The following ST3GAL4 variants were observed in gnomAD, a reference collection of about 807,000 sequenced individuals.
ST3GAL4 encodes the protein CMP-N-acetylneuraminate-beta-galactosamide-alpha-2,3-sialyltransferase 4.
ST3GAL4 carries 24 observed loss-of-function variants against 42.6 expected under a neutral mutation model. The ratio of observed to expected loss-of-function variants is 0.56; its 90% CI spans 0.41 to 0.79. The LOEUF (loss-of-function observed/expected upper bound fraction) is 0.79, where lower values mean the gene tolerates loss of function less well. Ranked by LOEUF, ST3GAL4 falls within the 30% of genes least tolerant of loss-of-function variation. The pLI, the probability that ST3GAL4 is intolerant of heterozygous loss-of-function variation, is 0.00. For missense variants in ST3GAL4, 311 were observed against 430.8 expected, an observed-to-expected ratio of 0.72 and a Z score of 2.46; for synonymous variants, 135 against 163.2, an observed-to-expected ratio of 0.83 and a Z score of 1.32.
intron 1 of ST3GAL4, among the ~76,000 whole-genome samples, chr11:126,372,066 TCTGTTGAC>T (rs1468088969): frequency 2.0e-5 from 3 of 152,350 alleles, no homozygotes; most frequent in East Asian, 1.9e-4. Context: ...AGCACAAGGT[TCTGTTGAC>T]CTGTTGACCG....
In ST3GAL4 at chr11:126,378,383, CTGTA is replaced by C. The variant is rs1338224478; in HGVS notation, c.-61+22544_-61+22547del. Among the ~76,000 whole-genome samples the C allele has an allele frequency of 6.6e-6, 1 of 152,106 alleles. No homozygotes were observed. The highest frequency in any genetic ancestry group is 1.5e-5 in the Non-Finnish European group (1 of 68,026). Reference sequence around the variant, plus strand: ...CATTTCTATGAATTTGATAAAATGACTGTATGCCATCATCAATTAGGGATGATTG... The same window carrying C: ...CATTTCTATGAATTTGATAAAATGACTGCCATCATCAATTAGGGATGATTG... On this transcript the variant is annotated intron_variant, in intron 1 of 10. Coordinates refer to ENST00000444328, the MANE Select transcript of ST3GAL4 (RefSeq NM_001254757.2). The surrounding 1 kb of genome is among the most constrained non-coding windows in gnomAD (Gnocchi z 5.3).
chr11:126,404,637 G>T (rs1251930759), intron 1 of ST3GAL4, among the ~76,000 whole-genome samples: 1 of 152,222 alleles, frequency 6.6e-6, no homozygotes, highest in Non-Finnish European at 1.5e-5. Flanking sequence ...GAGTTACTAG[G>T]ACAATACCTT....
At chr11:126,368,979 G>A (rs764778751) in intron 1 of ST3GAL4, among the ~76,000 whole-genome samples, 12 of 152,226 alleles carry the variant, frequency 7.9e-5, no homozygotes, top group Admixed American at 1.3e-4. Context: ...GGCAAGTAGG[G>A]GGAGGGCTGG....
At chr11:126,402,759 T>C (rs919565298) in intron 1 of ST3GAL4, among the ~76,000 whole-genome samples, 9 of 152,366 alleles carry the variant, frequency 5.9e-5, no homozygotes, top group African/African-American at 1.9e-4. Flanking sequence ...CTGCCTCCAC[T>C]GGGCCTTATT....
chr11:126,380,863 A>G (rs1051401110), intron 1 of ST3GAL4, among the ~76,000 whole-genome samples: 16 of 152,146 alleles, frequency 1.1e-4, no homozygotes, highest in African/African-American at 3.4e-4. Context: ...GCAGGAATGG[A>G]GGGAGTTGGC....
intron 1 of ST3GAL4, among the ~76,000 whole-genome samples, chr11:126,356,664 G>A (rs959088033): frequency 2.5e-5 from 3 of 121,982 alleles, no homozygotes; most frequent in African/African-American, 1.1e-4. Context: ...GGCTGGGAGT[G>A]TAGGCAGTGT....
intron 1 of ST3GAL4, among the ~76,000 whole-genome samples, chr11:126,368,615 G>A (rs1952523195): frequency 6.6e-6 from 1 of 152,188 alleles, no homozygotes; most frequent in Non-Finnish European, 1.5e-5. Context: ...AGCTGTGCCG[G>A]AATTAGGAAG....
rs952029678 is a variant in ST3GAL4 at position 126,397,154 on chromosome 11, C to T, written c.-60-8942C>T. ...ACATTTCAGTTGTTAGTGGAACATG[C>T]AATACATCTTTATTCACATGTTATT... On this transcript the variant is annotated intron_variant, in intron 1 of 10. Transcript: ENST00000444328. The surrounding 1 kb of genome is among the most constrained non-coding windows in gnomAD (Gnocchi z 5.0). Among the ~76,000 whole-genome samples the T allele has an allele frequency of 6.6e-6, 1 of 152,080 alleles. No individual in the cohort carries two copies. Among genetic ancestry groups the T allele is most frequent in the Non-Finnish European group, 1.5e-5 (1 of 68,032 alleles).
At chr11:126,382,991 G>T (rs913443179) in intron 1 of ST3GAL4, among the ~76,000 whole-genome samples, 1 of 152,228 alleles carries the variant, frequency 6.6e-6, no homozygotes, top group African/African-American at 2.4e-5. Flanking sequence ...CTGTCACTGG[G>T]ACTGGGCACA....
intron 1 of ST3GAL4, among the ~76,000 whole-genome samples, chr11:126,369,327 A>T (rs995381047): frequency 2.3e-4 from 34 of 150,354 alleles, no homozygotes; most frequent in African/African-American, 7.6e-4. Context: ...GGCTCACTGC[A>T]ACCTCGGCCT....
chr11:126,403,410 A>G (rs1954094718), intron 1 of ST3GAL4: 1 of 985,354 alleles, frequency 1.0e-6, no homozygotes, highest in African/African-American at 1.7e-5. Flanking sequence ...ATACCTGTGT[A>G]TCTGTCTTTC....
At chr11:126,375,232 C>T (rs1952790844) in intron 1 of ST3GAL4, 1 of 152,280 alleles carries the variant, frequency 6.6e-6, no homozygotes, top group Admixed American at 6.5e-5. Flanking sequence ...AGCTGTGTGC[C>T]TTGAACACAT....
intron 7 of ST3GAL4, 23 bp from the exon 8 acceptor site, chr11:126,408,284 G>C (rs1484986524): frequency 1.9e-6 from 3 of 1,613,114 alleles, no homozygotes; most frequent in Admixed American, 3.3e-5. Flanking sequence ...TCTAGTGATG[G>C]GAATCCTCCT....
At chr11:126,370,986 T>C (rs944737685) in intron 1 of ST3GAL4, among the ~76,000 whole-genome samples, 2 of 151,394 alleles carry the variant, frequency 1.3e-5, no homozygotes, top group African/African-American at 4.9e-5. Flanking sequence ...TTTTTTTATA[T>C]GAAAATATTT....
rs188179851 is a variant in ST3GAL4 at position 126,412,034 on chromosome 11, A to G, written c.772-1471A>G. On this transcript the variant is annotated intron_variant, in intron 9 of 10. Coordinates refer to ENST00000444328, the MANE Select transcript of ST3GAL4 (RefSeq NM_001254757.2). The stretch of plus-strand genomic sequence containing the variant: ...GGGTTCTCTTACGATTCTGCCTTAT[A>G]TATTTTACAGGTGGAATTGAGAGAT... Among the ~76,000 whole-genome samples the G allele has an allele frequency of 3.9e-5, 6 of 152,214 alleles. No homozygotes were observed. In the East Asian group the frequency reaches 5.8e-4, roughly 15 times the overall value.
Position 126,397,663 on chromosome 11 carries a change from G to A in ST3GAL4, c.-60-8433G>A, listed in dbSNP as rs1429785526. Reference sequence around the variant, plus strand: ...CCACCAAGTAGGTAATTTATAAGGAGCAGAAGTTTATTTGGCTCACAGTTC... The same window carrying A: ...CCACCAAGTAGGTAATTTATAAGGAACAGAAGTTTATTTGGCTCACAGTTC... On this transcript the variant is annotated intron_variant, in intron 1 of 10. Coordinates refer to ENST00000444328, the MANE Select transcript of ST3GAL4 (RefSeq NM_001254757.2). This position sits in a 1 kb window ranked among gnomAD's most constrained non-coding sequence, Gnocchi z 5.0. 6.6e-6 allele frequency among the ~76,000 whole-genome samples: 1 copy of A among 152,196 alleles called. No homozygotes were observed. Among genetic ancestry groups the A allele is most frequent in the Non-Finnish European group, 1.5e-5 (1 of 68,040 alleles).
rs543784276 is a variant in ST3GAL4, at chr11:126,376,492, A to G, written c.-61+20650A>G. On this transcript the variant is annotated intron_variant, in intron 1 of 10. Transcript: ENST00000444328. The surrounding 1 kb of genome is among the most constrained non-coding windows in gnomAD (Gnocchi z 5.1). ...TGGTTTACCTTGTTGGAAGTTTCCTAGTCACATAACCATATGTTAGTTGGC... is the reference window on the plus strand; with the variant it reads ...TGGTTTACCTTGTTGGAAGTTTCCTGGTCACATAACCATATGTTAGTTGGC... Among the ~76,000 whole-genome samples the G allele has an allele frequency of 1.3e-5, 2 of 152,246 alleles. No homozygotes were observed. The highest frequency in any genetic ancestry group is 2.9e-5 in the Non-Finnish European group (2 of 68,048).
intron 10 of ST3GAL4, 45 bp from the exon 11 acceptor site, chr11:126,413,916 G>A (rs1954635583): frequency 1.2e-6 from 2 of 1,605,744 alleles, no homozygotes; most frequent in Middle Eastern, 1.7e-4. Context: ...GGGACAGAGA[G>A]GTCCCTGGGA....
rs372167321 is a variant in ST3GAL4, at chr11:126,402,092, A to AGGGGG, written c.-60-4003_-60-4002insGGGGG. On this transcript the variant is annotated intron_variant, in intron 1 of 10. Coordinates refer to ENST00000444328, the MANE Select transcript of ST3GAL4 (RefSeq NM_001254757.2). ...GTCTAGGTGGAAGGATTTGGGGGAA[A>AGGGGG]GAGGGGAGGTAGGAGAGTCTAGACG... Among the ~76,000 whole-genome samples the AGGGGG allele has an allele frequency of 1.4e-3, 199 of 139,062 alleles. 4 individuals are homozygous for AGGGGG. In the South Asian group the frequency reaches 0.016, roughly 11 times the overall value. 91.2% of individuals were successfully genotyped at this position (139,062 alleles called of 152,430 possible).
Sources: allele counts gnomAD v4.1 joint callset (sites outside exome capture counted in the v4.1 genomes callset), GRCh38; gene constraint gnomAD v4.1.1; non-coding constraint Gnocchi (gnomAD v3.1); transcripts MANE v1.5; gene names NCBI Gene and HGNC (gene_info 2026-07-23, HGNC 2026-07-21).